The following ROBO2 variants were observed in gnomAD, a reference collection of about 807,000 sequenced individuals.
ROBO2 encodes the protein roundabout homolog 2.
In ROBO2, 53 loss-of-function variants were observed where a neutral mutation model predicts 160.8. The ratio of observed to expected loss-of-function variants is 0.33; its 90% CI spans 0.26 to 0.41. The LOEUF (loss-of-function observed/expected upper bound fraction) is 0.41. Ranked by LOEUF, ROBO2 falls within the 10% of genes least tolerant of loss-of-function variation. ROBO2 has a pLI of 1.00. For synonymous variants in ROBO2, 664 were observed against 611.7 expected (o/e 1.09, Z -1.26); for missense variants, 1,577 against 1,722.4 (o/e 0.92, Z 1.49).
At chr3:76,872,288 A>G (rs1055011585) in intron 2 of ROBO2, among the ~76,000 whole-genome samples, 1 of 152,200 alleles carries the variant, frequency 6.6e-6, no homozygotes, top group Admixed American at 6.5e-5. Flanking sequence ...TTGTATCATG[A>G]CCTGAAAAAT....
intron 2 of ROBO2, among the ~76,000 whole-genome samples, chr3:76,107,957 TTGTACTGTTCAGAAA>T (rs1246140006): frequency 6.6e-6 from 1 of 152,106 alleles, no homozygotes; most frequent in African/African-American, 2.4e-5. Context: ...TATTAGCTGT[TTGTACTGTTCAGAAA>T]TGTATAGGTA....
intron 2 of ROBO2, among the ~76,000 whole-genome samples, chr3:76,606,585 A>G (rs867916288): frequency 2.0e-5 from 3 of 152,156 alleles, no homozygotes; most frequent in African/African-American, 7.2e-5. Context: ...AGTCAGAAAT[A>G]CCTTGGGGAA....
intron 2 of ROBO2, among the ~76,000 whole-genome samples, chr3:77,472,529 T>C (rs1290439607): frequency 6.6e-6 from 1 of 152,172 alleles, no homozygotes; most frequent in East Asian, 1.9e-4. Flanking sequence ...ATTCAGGTTA[T>C]ATTATGACTA....
chr3:76,242,128 A>G (rs1705324276), intron 2 of ROBO2, among the ~76,000 whole-genome samples: 1 of 152,142 alleles, frequency 6.6e-6, no homozygotes, highest in African/African-American at 2.4e-5. Flanking sequence ...CGGTCAAATA[A>G]TGGATCTTGG....
At chr3:76,733,980 T>C (rs781664066) in intron 2 of ROBO2, among the ~76,000 whole-genome samples, 6 of 152,186 alleles carry the variant, frequency 3.9e-5, no homozygotes, top group Non-Finnish European at 7.3e-5. Context: ...TCTATCGTTA[T>C]ATTTTCACAT....
intron 2 of ROBO2, among the ~76,000 whole-genome samples, chr3:77,409,018 G>T (rs550840752): frequency 6.6e-6 from 1 of 151,680 alleles, no homozygotes; most frequent in South Asian, 2.1e-4. Flanking sequence ...ACAGGTGTGA[G>T]CCATCATACC....
chr3:77,349,185 C>T (rs1259192487), intron 2 of ROBO2, among the ~76,000 whole-genome samples: 2 of 152,066 alleles, frequency 1.3e-5, no homozygotes, highest in Non-Finnish European at 2.9e-5. Context: ...AAGAATAAAA[C>T]ATGAAAGTAC....
intron 2 of ROBO2, among the ~76,000 whole-genome samples, chr3:76,639,625 T>C (rs552599356): frequency 3.9e-5 from 6 of 152,226 alleles, no homozygotes; most frequent in African/African-American, 1.2e-4. Context: ...CACACTTCAA[T>C]TTTAAGGGGG....
At chr3:76,392,708 A>G (rs1256444840) in intron 2 of ROBO2, among the ~76,000 whole-genome samples, 2 of 152,186 alleles carry the variant, frequency 1.3e-5, no homozygotes, top group African/African-American at 2.4e-5. Flanking sequence ...TTTGTTTTAT[A>G]GAAGATAGAT....
At chr3:77,140,294 T>C (rs1048378053) in intron 2 of ROBO2, among the ~76,000 whole-genome samples, 1 of 152,124 alleles carries the variant, frequency 6.6e-6, no homozygotes, top group African/African-American at 2.4e-5. Flanking sequence ...AATGATCTTT[T>C]AAAATAATAA....
chr3:77,486,613 G>A (rs1367300121), intron 4 of ROBO2, among the ~76,000 whole-genome samples: 11 of 152,034 alleles, frequency 7.2e-5, no homozygotes, highest in Non-Finnish European at 1.6e-4. Context: ...TAATGGGGTT[G>A]TTTGTTTTTT....
At chr3:75,983,137 G>A (rs950527974) in intron 2 of ROBO2, among the ~76,000 whole-genome samples, 2 of 151,424 alleles carry the variant, frequency 1.3e-5, no homozygotes, top group Non-Finnish European at 3.0e-5. Context: ...GTGTACAGTA[G>A]GAGAGAGTAT....
intron 2 of ROBO2, among the ~76,000 whole-genome samples, chr3:77,294,496 C>G (rs1427733834): frequency 7.2e-6 from 1 of 138,370 alleles, no homozygotes. Flanking sequence ...CTAGATCACC[C>G]CAGACATTAA....
chr3:76,234,922 AC>A (rs940344013), intron 2 of ROBO2, among the ~76,000 whole-genome samples: 1 of 152,180 alleles, frequency 6.6e-6, no homozygotes, highest in Non-Finnish European at 1.5e-5. Flanking sequence ...GGCAGATTGT[AC>A]CCAGTCTCTC....
chr3:76,166,426 T>G (rs138348053), intron 2 of ROBO2, among the ~76,000 whole-genome samples: 28 of 152,288 alleles, frequency 1.8e-4, no homozygotes, highest in African/African-American at 6.5e-4. Flanking sequence ...TCAGGCCAGT[T>G]CTTTCATCCT....
chr3:76,017,559 G>A (rs2066439044), intron 2 of ROBO2, among the ~76,000 whole-genome samples: 1 of 152,082 alleles, frequency 6.6e-6, no homozygotes, highest in Non-Finnish European at 1.5e-5. Context: ...GATGATATCT[G>A]AACATCATCT....
At chr3:76,945,026 C>T (rs2078435884) in intron 2 of ROBO2, among the ~76,000 whole-genome samples, 1 of 151,944 alleles carries the variant, frequency 6.6e-6, no homozygotes, top group African/African-American at 2.4e-5. Flanking sequence ...GTAGCTGGGA[C>T]TACAGGCGCC....
intron 2 of ROBO2, among the ~76,000 whole-genome samples, chr3:77,167,726 A>T (rs765811634): frequency 6.6e-6 from 1 of 152,196 alleles, no homozygotes; most frequent in Non-Finnish European, 1.5e-5. Flanking sequence ...GTACTGTTAC[A>T]AAGGTTAATA....
chr3:77,344,020 G>A (rs916904892), intron 2 of ROBO2, among the ~76,000 whole-genome samples: 42 of 152,124 alleles, frequency 2.8e-4, no homozygotes, highest in African/African-American at 9.4e-4. Context: ...ATTTTCAAAG[G>A]TGAGGAGATA....
Sources: allele counts gnomAD v4.1 joint callset (sites outside exome capture counted in the v4.1 genomes callset), GRCh38; gene constraint gnomAD v4.1.1; transcripts MANE v1.5; gene names NCBI Gene and HGNC (gene_info 2026-07-23, HGNC 2026-07-21).